HOMER2: variants seen among roughly 807,000 people sequenced by gnomAD.
HOMER2 encodes the protein homer protein homolog 2.
Under a neutral mutation model 47.0 loss-of-function variants are expected in HOMER2, and 27 were observed. That is an observed-to-expected ratio of 0.57 (90% CI 0.42 to 0.79). The LOEUF (loss-of-function observed/expected upper bound fraction) is 0.79. Ranked by LOEUF, HOMER2 falls within the 30% of genes least tolerant of loss-of-function variation. The pLI is 0.00. For synonymous variants in HOMER2, 161 were observed against 163.8 expected, an observed-to-expected ratio of 0.98 and a Z score of 0.13; for missense variants, 443 against 435.0, an observed-to-expected ratio of 1.02 and a Z score of -0.16.
exon 2 of HOMER2, chr15:82,837,604 C>T (rs2051139658): frequency 6.6e-6 from 1 of 152,224 alleles, no homozygotes; most frequent in Non-Finnish European, 1.5e-5. Context: ...ATCCTGAAGC[C>T]TGGTATTCAT....
intron 1 of HOMER2, among the ~76,000 whole-genome samples, chr15:82,932,011 A>T (rs749484439): frequency 6.6e-6 from 1 of 152,194 alleles, no homozygotes; most frequent in African/African-American, 2.4e-5. Context: ...ATCACTAGGA[A>T]CACACTGGGT....
At chr15:82,986,148 A>C (rs1680638641), upstream of HOMER2, 1 of 982,604 alleles carries the variant, frequency 1.0e-6, no homozygotes, top group Non-Finnish European at 1.2e-6. Flanking sequence ...CCACACGGAG[A>C]GCCTTAGTTA....
chr15:82,976,623 C>G (rs1361743316), intron 1 of HOMER2, among the ~76,000 whole-genome samples: 3 of 149,136 alleles, frequency 2.0e-5, no homozygotes, highest in Non-Finnish European at 3.0e-5. Flanking sequence ...ACCATCATAA[C>G]TATCTTCTGG....
intron 1 of HOMER2, among the ~76,000 whole-genome samples, chr15:82,951,754 C>T (rs1036409612): frequency 1.3e-5 from 2 of 152,252 alleles, no homozygotes; most frequent in Admixed American, 1.3e-4. Flanking sequence ...GTTTCCTCAT[C>T]TGTAAAGTGG....
intron 1 of HOMER2, among the ~76,000 whole-genome samples, chr15:82,983,343 T>G (rs554831614): frequency 6.6e-6 from 1 of 152,166 alleles, no homozygotes; most frequent in African/African-American, 2.4e-5. Flanking sequence ...TCAACTATTG[T>G]TTCTTCATGA....
intron 1 of HOMER2, among the ~76,000 whole-genome samples, chr15:82,949,369 G>A (rs1337762325): frequency 6.6e-6 from 1 of 152,176 alleles, no homozygotes; most frequent in African/African-American, 2.4e-5. Flanking sequence ...CCCATGATTA[G>A]GAGTAAGAAG....
At chr15:82,860,464 T>C (rs2051738704) in intron 4 of HOMER2, among the ~76,000 whole-genome samples, 1 of 152,302 alleles carries the variant, frequency 6.6e-6, no homozygotes, top group Admixed American at 6.5e-5. Context: ...AGGTCCATTA[T>C]ACAATTATGC....
chr15:82,910,132 CAAAAAAAAAAAA>C (rs35191408), intron 1 of HOMER2, among the ~76,000 whole-genome samples: 6 of 22,130 alleles, frequency 2.7e-4, no homozygotes, highest in East Asian at 1.8e-3. Flanking sequence ...GATTCTGTCT[CAAAAAAAAAAAA>C]AAAAAAAAAA....
rs12910813 is a variant in HOMER2 at position 82,977,016 on chromosome 15, A to T, written n.82+8771T>A. Among the ~76,000 whole-genome samples, 416 of 151,818 alleles carry T rather than the reference A, an allele frequency of 2.7e-3. 3 individuals carry two copies. The highest frequency in any genetic ancestry group is 4.9e-3 in the Non-Finnish European group (332 of 67,932). On this transcript the variant is annotated intron_variant and non_coding_transcript_variant, in intron 1 of 1. Transcript: ENST00000500334. ...TTTTAACTCTCCTCACTCCTCCAAC[A>T]CTAAGCCCAGAAATATATTGTATAG...
intron 4 of HOMER2, among the ~76,000 whole-genome samples, chr15:82,861,142 T>C (rs907598477): frequency 6.6e-6 from 1 of 152,240 alleles, no homozygotes; most frequent in African/African-American, 2.4e-5. Context: ...GAATGGTGTA[T>C]TTCTGCAGGC....
Position 82,892,816 on chromosome 15 carries a change from C to A in HOMER2, c.31G>T (p.Ala11Ser). The change falls in exon 2 of 9, where the codon GCG becomes TCG. Residue 11 changes from alanine (A) to serine (S), a missense_variant. Transcript: ENST00000450735. ...TTGGGGTCAATCTGGAAGACATGCG[C>A]TCGGGTGGTGAAGATGGGCTGTTCT... MGEQPIFTTR[A>S]HVFQIDPNTK... 6.3e-7 allele frequency: 1 copy of A among 1,599,248 alleles called. No individual in the cohort carries two copies. The highest frequency in any genetic ancestry group is 8.5e-7 in the Non-Finnish European group (1 of 1,169,772).
At chr15:82,918,977 C>A (rs546244312) in intron 1 of HOMER2, among the ~76,000 whole-genome samples, 2 of 152,214 alleles carry the variant, frequency 1.3e-5, no homozygotes, top group East Asian at 3.9e-4. Context: ...GCGTTTTTTT[C>A]TAATTTGTAC....
chr15:82,841,932 T>C (rs2051179915), exon 2 of HOMER2: 1 of 152,168 alleles, frequency 6.6e-6, no homozygotes, highest in Non-Finnish European at 1.5e-5. Context: ...AAAACATACT[T>C]TAGGAAAAAA....
chr15:82,904,775 T>G (rs1409575103), intron 1 of HOMER2, among the ~76,000 whole-genome samples: 2 of 152,174 alleles, frequency 1.3e-5, no homozygotes, highest in Non-Finnish European at 2.9e-5. Context: ...GGCTATGGAA[T>G]GCTTCCCCTC....
intron 1 of HOMER2, among the ~76,000 whole-genome samples, chr15:82,894,354 T>A (rs1384680552): frequency 6.6e-6 from 1 of 152,204 alleles, no homozygotes; most frequent in Admixed American, 6.5e-5. Context: ...GAAAGCATCT[T>A]TACACAGACT....
chr15:82,893,615 G>A (rs1243625667), intron 1 of HOMER2, among the ~76,000 whole-genome samples: 2 of 146,116 alleles, frequency 1.4e-5, no homozygotes, highest in Non-Finnish European at 3.0e-5. Flanking sequence ...ATAGGCGTAA[G>A]CCACTGCGCC....
intron 6 of HOMER2, chr15:82,852,553 G>A (rs145150267): frequency 3.3e-5 from 10 of 299,404 alleles, no homozygotes; most frequent in South Asian, 2.0e-4. Context: ...TCTCATGGCC[G>A]TGAAGAAGTA....
At chr15:82,941,710 T>G (rs538540889) in intron 1 of HOMER2, among the ~76,000 whole-genome samples, 1 of 152,030 alleles carries the variant, frequency 6.6e-6, no homozygotes, top group Non-Finnish European at 1.5e-5. Context: ...TCCCAACACC[T>G]TAGCCCAAAG....
upstream of HOMER2, chr15:82,952,762 C>G (rs1195627412): frequency 1.1e-6 from 1 of 929,666 alleles, no homozygotes; most frequent in African/African-American, 1.8e-5. Flanking sequence ...GCGGTGCCCG[C>G]CCCGCCCTCC....
Sources: gnomAD v4.1 joint callset for allele counts (sites outside exome capture counted in the v4.1 genomes callset) on GRCh38, gnomAD v4.1.1 for gene constraint, MANE v1.5 for transcripts, NCBI Gene and HGNC (gene_info 2026-07-23, HGNC 2026-07-21) for gene names.